Variants in DZIP1 observed in about 807,000 individuals in gnomAD.
DZIP1 encodes DAZ interacting zinc finger protein 1, also known as cilium assembly protein DZIP1.
Under a neutral mutation model 107.6 loss-of-function variants are expected in DZIP1, and 97 were observed. That is an observed-to-expected ratio of 0.90 (90% CI 0.77 to 1.07). DZIP1 has a LOEUF of 1.07. DZIP1 is among the 50% of genes least tolerant of loss of function. The pLI is 0.00. For missense variants in DZIP1, 1,035 were observed against 1,063.6 expected (o/e 0.97, Z 0.37); for synonymous variants, 390 against 386.4 (o/e 1.01, Z -0.11).
intron 13 of DZIP1, among the ~76,000 whole-genome samples, chr13:95,607,790 A>G (rs546486625): frequency 6.6e-6 from 1 of 152,326 alleles, no homozygotes; most frequent in South Asian, 2.1e-4. Flanking sequence ...TCTCTAAACT[A>G]CAGAATTCAT....
rs200034861 is a variant in DZIP1, at chr13:95,594,357, G to A, written c.1538-271C>T. Among the ~76,000 whole-genome samples, 5 of 152,112 alleles carry A rather than the reference G, an allele frequency of 3.3e-5. No individual in the cohort carries two copies. The East Asian group carries it at 9.6e-4, about 29-fold the overall frequency. ...AACTATAGATATATATGTATCTATA[G>A]AAGCATGATGGAAAAAAAATTTATT... On this transcript the variant is annotated intron_variant, in intron 15 of 22. Coordinates refer to ENST00000376829, the MANE Select transcript of DZIP1 (RefSeq NM_198968.4).
chr13:95,603,246 G>T (rs2044670171), intron 14 of DZIP1, among the ~76,000 whole-genome samples: 1 of 134,386 alleles, frequency 7.4e-6, no homozygotes, highest in African/African-American at 2.9e-5. Context: ...AGTTGAGGCT[G>T]CAGTGAGCTA....
intron 19 of DZIP1, 115 bp from the exon 20 acceptor site, chr13:95,587,844 G>T: frequency 3.1e-6 from 4 of 1,294,034 alleles, no homozygotes; most frequent in Non-Finnish European, 3.1e-6. Flanking sequence ...TTCTCAGTGG[G>T]CACAAGTGCC....
chr13:95,626,447 T>C (rs1876553761), intron 7 of DZIP1, among the ~76,000 whole-genome samples: 1 of 152,156 alleles, frequency 6.6e-6, no homozygotes, highest in African/African-American at 2.4e-5. Flanking sequence ...AATTGGATAA[T>C]CTAGGTGAAA....
At chr13:95,610,114 G>GAC in intron 12 of DZIP1, among the ~76,000 whole-genome samples, 3 of 143,772 alleles carry the variant, frequency 2.1e-5, no homozygotes, top group African/African-American at 7.6e-5. Context: ...GTGTGTGTGA[G>GAC]AGAGAGACAG....
intron 13 of DZIP1, among the ~76,000 whole-genome samples, chr13:95,606,559 G>A (rs1370549311): frequency 6.6e-6 from 1 of 152,212 alleles, no homozygotes; most frequent in Non-Finnish European, 1.5e-5. Flanking sequence ...GCTGTAGCAT[G>A]TATATAAATA....
Position 95,630,463 on chromosome 13 carries a change from C to A in DZIP1, c.686-350G>T, listed in dbSNP as rs529502958. Among the ~76,000 whole-genome samples, 3 of 152,138 alleles carry A rather than the reference C, an allele frequency of 2.0e-5. No homozygotes were observed. In the East Asian group the frequency reaches 5.8e-4, roughly 29 times the overall value. ...GGGCTTTTCTTAGAGGTGCCTGTCT[C>A]AATCACAGAAGGCAAGCAACAGCTT... On this transcript the variant is annotated intron_variant, in intron 6 of 22. Transcript: ENST00000376829.
rs1425503333 is a variant in DZIP1, at chr13:95,598,532, A to G, written c.1537+833T>C. On this transcript the variant is annotated intron_variant, in intron 15 of 22. Coordinates refer to ENST00000376829, the MANE Select transcript of DZIP1 (RefSeq NM_198968.4). ...GAGAACAAGGGAAGAGTTATAATAA[A>G]TACTGAATTTATATATTAGGATATA... Among the ~76,000 whole-genome samples, 4 of 152,264 alleles carry G rather than the reference A, an allele frequency of 2.6e-5. No homozygotes were observed. The East Asian group carries it at 7.7e-4, about 29-fold the overall frequency.
At chr13:95,600,440 C>G (rs1362949740) in intron 14 of DZIP1, among the ~76,000 whole-genome samples, 1 of 152,114 alleles carries the variant, frequency 6.6e-6, no homozygotes, top group Non-Finnish European at 1.5e-5. Context: ...CACCAGGAGG[C>G]TGGGCAGGGA....
At chr13:95,610,107 T>TGAGAGAGAGAGA (rs1435687735) in intron 12 of DZIP1, among the ~76,000 whole-genome samples, 1 of 121,948 alleles carries the variant, frequency 8.2e-6, no homozygotes, top group African/African-American at 3.2e-5. Context: ...TGTGTGTGTG[T>TGAGAGAGAGAGA]GTGTGAGAGA....
chr13:95,616,968 G>T (rs1274858147), intron 10 of DZIP1, among the ~76,000 whole-genome samples: 1 of 152,124 alleles, frequency 6.6e-6, no homozygotes, highest in East Asian at 1.9e-4. Flanking sequence ...TGCACTTTGG[G>T]AGGCCGAGGC....
chr13:95,635,626 G>A (rs909899040), intron 5 of DZIP1, among the ~76,000 whole-genome samples: 7 of 152,132 alleles, frequency 4.6e-5, no homozygotes, highest in Non-Finnish European at 1.0e-4. Flanking sequence ...TCTGATGTAA[G>A]TCATATAGGC....
intron 10 of DZIP1, among the ~76,000 whole-genome samples, chr13:95,615,552 T>C (rs1566399604): frequency 6.6e-6 from 1 of 152,208 alleles, no homozygotes; most frequent in South Asian, 2.1e-4. Flanking sequence ...GGAGTGGAGC[T>C]GGCCACCTGT....
At chr13:95,601,333 A>T (rs758969619) in intron 14 of DZIP1, among the ~76,000 whole-genome samples, 7 of 152,120 alleles carry the variant, frequency 4.6e-5, no homozygotes, top group Non-Finnish European at 7.4e-5. Context: ...ACCAGTCTAG[A>T]CTTCAAACGT....
At chr13:95,584,666 T>C in intron 22 of DZIP1, 70 bp downstream of exon 22, 1 of 1,532,740 alleles carries the variant, frequency 6.5e-7, no homozygotes, top group Non-Finnish European at 8.7e-7. Context: ...GTTAATTAGA[T>C]ATTTATAAAG....
chr13:95,642,215 G>T lies in DZIP1; in HGVS notation c.-186C>A. ...CCTGGAGCAAAGGGCGCGTCTGCCC[G>T]CGCAGGGTCAGCGTGCACCCAGAAC... On this transcript the variant is annotated 5_prime_UTR_variant, in exon 4 of 23. Coordinates refer to ENST00000376829, the MANE Select transcript of DZIP1 (RefSeq NM_198968.4). 1.4e-6 allele frequency: 1 copy of T among 711,742 alleles called. No individual in the cohort carries two copies. The highest frequency in any genetic ancestry group is 3.4e-5 in the East Asian group (1 of 29,188). 44.1% of individuals were successfully genotyped at this position (711,742 alleles called of 1,614,324 possible). A position where few individuals can be genotyped will look rare whatever the true frequency, so the allele number is the denominator to read the frequency against.
At chr13:95,628,387 T>C (rs1168957767) in intron 7 of DZIP1, among the ~76,000 whole-genome samples, 4 of 152,094 alleles carry the variant, frequency 2.6e-5, no homozygotes. Context: ...GGAAAATTCA[T>C]AGACATAAAA....
At chr13:95,595,505 T>A (rs997792271) in intron 15 of DZIP1, among the ~76,000 whole-genome samples, 3 of 152,196 alleles carry the variant, frequency 2.0e-5, no homozygotes, top group Non-Finnish European at 4.4e-5. Flanking sequence ...TTATCAGCAA[T>A]CATGCTGCTG....
chr13:95,586,575 C>A (rs9525028), intron 20 of DZIP1, among the ~76,000 whole-genome samples: 39,869 of 151,688 alleles, frequency 0.26, 6,272 homozygotes, highest in Non-Finnish European at 0.35. Context: ...AGTGAGATAA[C>A]CTGCATGAGT....
Sources: allele counts gnomAD v4.1 joint callset (sites outside exome capture counted in the v4.1 genomes callset), GRCh38; gene constraint gnomAD v4.1.1; transcripts MANE v1.5; gene names NCBI Gene and HGNC (gene_info 2026-07-23, HGNC 2026-07-21).